SHISA9: variants seen among roughly 807,000 people sequenced by gnomAD.
SHISA9 encodes the protein shisa family member 9.
In SHISA9, 13 loss-of-function variants were observed where a neutral mutation model predicts 38.0. The observed-to-expected ratio is 0.34, with a 90% CI of 0.22 to 0.54. The LOEUF is 0.54. Ranked by LOEUF, SHISA9 falls within the 20% of genes least tolerant of loss-of-function variation. The pLI is 0.91. For missense variants in SHISA9, 538 were observed against 575.8 expected (o/e 0.93, Z 0.67); for synonymous variants, 275 against 242.0 (o/e 1.14, Z -1.27).
intron 2 of SHISA9, among the ~76,000 whole-genome samples, chr16:12,970,510 T>A (rs1337015719): frequency 9.5e-5 from 6 of 63,278 alleles, no homozygotes; most frequent in African/African-American, 1.3e-4. Context: ...TTTTTTTTTT[T>A]TTTTTTTTTT....
the SHISA9 span, among the ~76,000 whole-genome samples, chr16:13,393,005 T>A: frequency 3.3e-5 from 5 of 152,198 alleles, no homozygotes; most frequent in Non-Finnish European, 7.3e-5. Flanking sequence ...CAGCAGCCCT[T>A]GGAAACTAAT....
At chr16:13,474,569 C>T in the SHISA9 span, among the ~76,000 whole-genome samples, 32 of 152,246 alleles carry the variant, frequency 2.1e-4, no homozygotes, top group East Asian at 6.0e-3. Flanking sequence ...TTACAAGGTA[C>T]TTTCTATCCA....
At chr16:12,919,710 A>AT (rs2071303454) in intron 2 of SHISA9, among the ~76,000 whole-genome samples, 1 of 151,986 alleles carries the variant, frequency 6.6e-6, no homozygotes, top group Non-Finnish European at 1.5e-5. Context: ...TCTGGGGTTG[A>AT]TTTTTCCTGT....
At chr16:13,039,128 C>A (rs151190070) in intron 2 of SHISA9, among the ~76,000 whole-genome samples, 29 of 152,236 alleles carry the variant, frequency 1.9e-4, no homozygotes, top group African/African-American at 6.7e-4. Context: ...AGGCTGGTCT[C>A]GAACTCCTGA....
intron 2 of SHISA9, among the ~76,000 whole-genome samples, chr16:13,046,437 G>C (rs2073189431): frequency 6.7e-6 from 1 of 149,390 alleles, no homozygotes; most frequent in Admixed American, 6.7e-5. Flanking sequence ...GAAAGCCAGG[G>C]AGGATTCTTA....
chr16:12,921,011 T>C (rs2071321061), intron 2 of SHISA9, among the ~76,000 whole-genome samples: 1 of 152,164 alleles, frequency 6.6e-6, no homozygotes, highest in Admixed American at 6.5e-5. Flanking sequence ...TTTCCTAGTG[T>C]CTATAAAAAC....
At chr16:13,441,407 AT>A in the SHISA9 span, among the ~76,000 whole-genome samples, 1 of 152,184 alleles carries the variant, frequency 6.6e-6, no homozygotes, top group African/African-American at 2.4e-5. Context: ...TGACCCTATC[AT>A]CTAAGAATCT....
chr16:13,491,579 T>C, the SHISA9 span, among the ~76,000 whole-genome samples: 1 of 151,764 alleles, frequency 6.6e-6, no homozygotes, highest in Non-Finnish European at 1.5e-5. Context: ...CCTCCACCTC[T>C]AGGGTTCAAG....
chr16:13,190,820 A>AT lies in SHISA9; in HGVS notation c.692-12564dup, dbSNP rs901205439. On this transcript the variant is annotated intron_variant, in intron 2 of 4. Coordinates refer to ENST00000558583, the MANE Select transcript of SHISA9 (RefSeq NM_001145204.3). ...AATATTTCCATCCTAAATGGTTCAA[A>AT]TTTTTTTTTTAAGTTTTCATGCTCA... 3.8e-3 allele frequency among the ~76,000 whole-genome samples: 575 copies of AT among 150,748 alleles called. 4 individuals are homozygous for AT. Among genetic ancestry groups the AT allele is most frequent in the African/African-American group, 0.013 (531 of 41,162 alleles).
chr16:13,019,880 C>T (rs1400588013), intron 2 of SHISA9, among the ~76,000 whole-genome samples: 407 of 17,184 alleles, frequency 0.024, 30 homozygotes, highest in African/African-American at 0.034. Context: ...CCCTCCCTCC[C>T]TCCCTTCTTT....
the SHISA9 span, among the ~76,000 whole-genome samples, chr16:13,434,419 G>GTTTTTTTGTTTTTTTTTTT: frequency 1.5e-5 from 1 of 64,556 alleles, no homozygotes; most frequent in East Asian, 4.9e-4. Context: ...GACAAGCTAT[G>GTTTTTTTGTTTTTTTTTTT]TTTTTTTTTT....
At chr16:13,209,211 G>A (rs1321291034) in intron 3 of SHISA9, among the ~76,000 whole-genome samples, 2 of 152,116 alleles carry the variant, frequency 1.3e-5, no homozygotes, top group Non-Finnish European at 2.9e-5. Flanking sequence ...CCAGACCAGA[G>A]TTATCTGCGG....
intron 2 of SHISA9, among the ~76,000 whole-genome samples, chr16:12,992,112 A>G (rs1359839732): frequency 6.6e-6 from 1 of 152,154 alleles, no homozygotes; most frequent in Admixed American, 6.5e-5. Context: ...AATAACAACT[A>G]TCAAGGTTGT....
At chr16:13,259,276 A>T in the SHISA9 span, among the ~76,000 whole-genome samples, 1 of 152,220 alleles carries the variant, frequency 6.6e-6, no homozygotes, top group Non-Finnish European at 1.5e-5. Context: ...CTGATGCAAG[A>T]GGTAGGTTCC....
chr16:13,440,237 C>T, the SHISA9 span, among the ~76,000 whole-genome samples: 2 of 152,224 alleles, frequency 1.3e-5, no homozygotes, highest in Non-Finnish European at 2.9e-5. Flanking sequence ...AGAAGGAAGC[C>T]TCTCCCATTT....
chr16:13,352,046 A>G, the SHISA9 span, among the ~76,000 whole-genome samples: 1 of 152,218 alleles, frequency 6.6e-6, no homozygotes, highest in Non-Finnish European at 1.5e-5. Context: ...ATGAATATCA[A>G]TTTGAGCATG....
At chr16:13,425,628 T>C in the SHISA9 span, among the ~76,000 whole-genome samples, 2 of 152,214 alleles carry the variant, frequency 1.3e-5, no homozygotes, top group Non-Finnish European at 2.9e-5. Flanking sequence ...CATTATGCAA[T>C]ACACTCGTGA....
intron 2 of SHISA9, among the ~76,000 whole-genome samples, chr16:13,148,118 C>T (rs1268081772): frequency 6.6e-6 from 1 of 152,142 alleles, no homozygotes; most frequent in South Asian, 2.1e-4. Context: ...TGCACACTCA[C>T]AACATACACA....
At chr16:13,216,072 A>C (rs1181493882) in intron 4 of SHISA9, among the ~76,000 whole-genome samples, 1 of 151,866 alleles carries the variant, frequency 6.6e-6, no homozygotes, top group Non-Finnish European at 1.5e-5. Context: ...CTGTAGTCCC[A>C]GCTACTCAGG....
Sources: allele counts gnomAD v4.1 joint callset (sites outside exome capture counted in the v4.1 genomes callset), GRCh38; gene constraint gnomAD v4.1.1; transcripts MANE v1.5; gene names NCBI Gene and HGNC (gene_info 2026-07-23, HGNC 2026-07-21).